URGCP: variants seen among roughly 807,000 people sequenced by gnomAD.
URGCP encodes the protein upregulator of cell proliferation, also known as up-regulator of cell proliferation.
URGCP carries 13 observed loss-of-function variants against 24.6 expected under a neutral mutation model. The observed-to-expected ratio is 0.53, with a 90% CI of 0.34 to 0.84. The LOEUF is 0.84. URGCP is among the 40% of genes least tolerant of loss of function. The probability of loss-of-function intolerance (pLI) is 0.01; values close to 1 mark genes in which losing one functional copy is unlikely to be tolerated. For missense variants in URGCP, 899 were observed against 1,194.3 expected (o/e 0.75, Z 3.64); for synonymous variants, 444 against 487.2 (o/e 0.91, Z 1.17).
intron 1 of URGCP, among the ~76,000 whole-genome samples, chr7:43,917,452 A>G (rs2095916744): frequency 6.6e-6 from 1 of 152,174 alleles, no homozygotes; most frequent in Non-Finnish European, 1.5e-5. Flanking sequence ...GCAGGCCTCC[A>G]TCTGGTTTTA....
Position 43,876,704 on chromosome 7 carries a change from T to G in URGCP, c.2759A>C (p.Asn920Thr). Residue 920 changes from asparagine to threonine, a missense_variant, in exon 6 of 6, where the codon AAC (asparagine) becomes ACC (threonine). Physicochemically the swap from Asn to Thr is moderately conservative, Grantham distance 65. Transcript: ENST00000453200. Reference protein sequence around the residue: ...IRNGLSNQNKNIQQLIELVRR... With the variant: ...IRNGLSNQNKTIQQLIELVRR... Reference sequence around the variant, plus strand: ...CACCAGCTCAATGAGCTGCTGGATGTTTTTGTTTTGGTTCGACAAGCCGTT... The same window carrying G: ...CACCAGCTCAATGAGCTGCTGGATGGTTTTGTTTTGGTTCGACAAGCCGTT... 1.2e-6 allele frequency: 2 copies of G among 1,614,202 alleles called. No homozygotes were observed. The highest frequency in any genetic ancestry group is 1.7e-6 in the Non-Finnish European group (2 of 1,180,040).
Position 43,877,750 on chromosome 7 carries a change from C to G in URGCP, c.1713G>C (p.Glu571Asp), listed in dbSNP as rs554085907. 1.9e-6 allele frequency: 3 copies of G among 1,605,556 alleles called. No homozygotes were observed. Among genetic ancestry groups the G allele is most frequent in the South Asian group, 1.1e-5 (1 of 89,990 alleles). The change falls in exon 6 of 6, where the codon GAG (glutamate) becomes GAC (aspartate). Residue 571 changes from glutamate to aspartate, a missense_variant. Physicochemically the swap from Glu to Asp is conservative, Grantham distance 45. Transcript: ENST00000453200. ...SEKQYFLRWMEWGLARVAQPR... is the reference protein window; with the variant it reads ...SEKQYFLRWMDWGLARVAQPR... ...GCTGGGCCACCCGTGCCAGGCCCCA[C>G]TCCATCCACCTCAGGAAGTACTGCT... is the stretch of plus-strand genomic sequence containing the variant.
In URGCP at chr7:43,877,904, G is replaced by C; in HGVS notation, c.1559C>G (p.Pro520Arg). The change falls in exon 6 of 6, where the codon CCC becomes CGC. Residue 520 changes from proline to arginine, a missense_variant. Transcript: ENST00000453200. ...EFCQLQWAVD[P>R]PEKHRAELRR... ...CAGCTCAGCCCTGTGCTTCTCAGGG[G>C]GGTCCACGGCCCACTGGAGCTGGCA... 1 of 1,613,982 alleles carries C rather than the reference G, an allele frequency of 6.2e-7. No individual in the cohort carries two copies. The highest frequency in any genetic ancestry group is 8.5e-7 in the Non-Finnish European group (1 of 1,180,004).
intron 1 of URGCP, among the ~76,000 whole-genome samples, chr7:43,893,567 A>G (rs58001892): frequency 0.29 from 44,063 of 152,058 alleles, 7,044 homozygotes; most frequent in South Asian, 0.49. Flanking sequence ...AGACATACAG[A>G]CTGAAAGTAA....
intron 3 of URGCP, among the ~76,000 whole-genome samples, chr7:43,887,153 T>C (rs916844695): frequency 5.9e-5 from 9 of 152,220 alleles, no homozygotes; most frequent in African/African-American, 2.2e-4. Context: ...AACTGAATCC[T>C]GGGAACACTT....
chr7:43,921,955 C>T (rs143261358), intron 1 of URGCP, among the ~76,000 whole-genome samples: 4,071 of 151,996 alleles, frequency 0.027, 205 homozygotes, highest in African/African-American at 0.094. Context: ...TGCAGTGGCA[C>T]GATCTTGGCT....
intron 1 of URGCP, among the ~76,000 whole-genome samples, chr7:43,893,384 T>G (rs576416681): frequency 2.6e-5 from 4 of 152,200 alleles, no homozygotes; most frequent in Non-Finnish European, 5.9e-5. Flanking sequence ...TAGCTGGGCA[T>G]GGTGCATGCA....
At chr7:43,909,844 A>C (rs1681049704), upstream of URGCP, among the ~76,000 whole-genome samples, 1 of 151,852 alleles carries the variant, frequency 6.6e-6, no homozygotes, top group South Asian at 2.1e-4. Flanking sequence ...GGAGTTCAAG[A>C]CCAGCCTGGC....
At chr7:43,922,571 T>C (rs758705649) in intron 1 of URGCP, among the ~76,000 whole-genome samples, 5 of 152,144 alleles carry the variant, frequency 3.3e-5, no homozygotes, top group Non-Finnish European at 7.4e-5. Context: ...ATGATTATTA[T>C]TTTCTTGAGA....
At chr7:43,913,374 AT>A (rs1381309121) in intron 1 of URGCP, among the ~76,000 whole-genome samples, 2,082 of 144,408 alleles carry the variant, frequency 0.014, 34 homozygotes, top group African/African-American at 0.043. Context: ...ACTCCCGGCT[AT>A]TTTTTTTTTT....
At chr7:43,913,184 A>G (rs111922287) in intron 1 of URGCP, among the ~76,000 whole-genome samples, 6 of 152,088 alleles carry the variant, frequency 3.9e-5, no homozygotes, top group African/African-American at 1.4e-4. Context: ...TTTGCCAGAT[A>G]TAAGATTCTT....
chr7:43,898,736 C>CCAG (rs2132696208), intron 1 of URGCP, among the ~76,000 whole-genome samples: 1 of 149,478 alleles, frequency 6.7e-6, no homozygotes, highest in South Asian at 2.1e-4. Context: ...AGCAAGAAGA[C>CCAG]CCTGTCTCAA....
At chr7:43,880,393 C>T (rs780784640) in intron 5 of URGCP, among the ~76,000 whole-genome samples, 8 of 152,174 alleles carry the variant, frequency 5.3e-5, no homozygotes, top group Non-Finnish European at 8.8e-5. Context: ...CCATCCAGGT[C>T]TTGGCCCAGC....
intron 1 of URGCP, among the ~76,000 whole-genome samples, chr7:43,905,086 A>G (rs1269739668): frequency 6.6e-6 from 1 of 152,190 alleles, no homozygotes; most frequent in East Asian, 1.9e-4. Context: ...GTCACCAACT[A>G]CAGGGACACA....
In URGCP at chr7:43,898,768, AATAAATAAATAAATAAATAAATTT is replaced by A. The variant is rs1339598075; in HGVS notation, c.14+7770_14+7793del. ...TCAAAAATAAATAAATAAATAAATAAATAAATAAATAAATAAATAAATTTATTTTAATTTAAAAGAAATCTATTT... is the reference window on the plus strand; with the variant it reads ...TCAAAAATAAATAAATAAATAAATAAATTTTAATTTAAAAGAAATCTATTT... On this transcript the variant is annotated intron_variant, in intron 1 of 5. Coordinates refer to ENST00000453200, the MANE Select transcript of URGCP (RefSeq NM_001077663.3). Among the ~76,000 whole-genome samples the A allele has an allele frequency of 6.7e-4, 88 of 132,116 alleles. 2 individuals are homozygous for A. The East Asian group carries it at 0.015, about 23-fold the overall frequency. The allele number at this position is 132,116 out of a possible 152,430, so 86.7% of individuals were successfully genotyped here.
intron 1 of URGCP, among the ~76,000 whole-genome samples, chr7:43,925,393 T>G (rs904508309): frequency 6.6e-6 from 1 of 152,212 alleles, no homozygotes; most frequent in African/African-American, 2.4e-5. Context: ...CAAACATGTC[T>G]CAGTCTGAAG....
chr7:43,878,172 T>C lies in URGCP; in HGVS notation c.1291A>G (p.Ile431Val). The change falls in exon 6 of 6, where the codon ATC becomes GTC. Residue 431 changes from isoleucine (I) to valine (V), a missense_variant. By Grantham distance (29) the Ile-to-Val change is conservative. Coordinates refer to ENST00000453200, the MANE Select transcript of URGCP (RefSeq NM_001077663.3). This position sits in a 1 kb window ranked among gnomAD's most constrained non-coding sequence, Gnocchi z 5.6. ...STDSDSFVKR[I>V]RAIVGNVLRA... ...AGCACATTCCCAACGATGGCCCGGA[T>C]CCTCTTCACGAAGCTGTCGCTGTCA... is the stretch of plus-strand genomic sequence containing the variant. 1 of 1,614,212 alleles carries C rather than the reference T, an allele frequency of 6.2e-7. No individual in the cohort carries two copies. The highest frequency in any genetic ancestry group is 1.7e-5 in the Admixed American group (1 of 60,018).
At chr7:43,890,022 A>G (rs1190159832) in intron 1 of URGCP, among the ~76,000 whole-genome samples, 2 of 151,380 alleles carry the variant, frequency 1.3e-5, no homozygotes, top group Non-Finnish European at 2.9e-5. Flanking sequence ...CTCCTGCCTC[A>G]GCCTCCCAAG....
upstream of URGCP, among the ~76,000 whole-genome samples, chr7:43,910,048 A>G (rs1040436689): frequency 2.6e-5 from 4 of 152,146 alleles, no homozygotes; most frequent in African/African-American, 9.7e-5. Flanking sequence ...TATCTCAAAA[A>G]AAATAAAAGA....
Sources: gnomAD v4.1 joint callset for allele counts (sites outside exome capture counted in the v4.1 genomes callset) on GRCh38, gnomAD v4.1.1 for gene constraint, Gnocchi (gnomAD v3.1) non-coding constraint, MANE v1.5 for transcripts, NCBI Gene and HGNC (gene_info 2026-07-23, HGNC 2026-07-21) for gene names.